ZNF438: variants seen among roughly 807,000 people sequenced by gnomAD.
The protein encoded by ZNF438 is zinc finger protein 438.
A neutral mutation model predicts 38.0 loss-of-function variants in ZNF438; 25 were observed. That is an observed-to-expected ratio of 0.66 (90% CI 0.48 to 0.92). The LOEUF is 0.92. Ranked by LOEUF, ZNF438 falls within the 40% of genes least tolerant of loss-of-function variation. The probability of loss-of-function intolerance (pLI) is 0.00; values close to 1 mark genes in which losing one functional copy is unlikely to be tolerated. For synonymous variants in ZNF438, 372 were observed against 364.1 expected, an observed-to-expected ratio of 1.02 and a Z score of -0.25; for missense variants, 1,007 against 999.6, an observed-to-expected ratio of 1.01 and a Z score of -0.10.
intron 1 of ZNF438, among the ~76,000 whole-genome samples, chr10:30,972,134 T>TG (rs2050811790): frequency 8.2e-6 from 1 of 122,270 alleles, no homozygotes; most frequent in East Asian, 2.4e-4. Context: ...CACGCCTGGC[T>TG]AATTTTTTGT....
intron 2 of ZNF438, among the ~76,000 whole-genome samples, chr10:30,914,822 TA>T (rs368583257): frequency 0.017 from 2,573 of 151,136 alleles, 73 homozygotes; most frequent in African/African-American, 0.058. Context: ...ATGAACACAA[TA>T]AAAAAAAATC....
At chr10:31,021,578 T>C (rs1373798709) in intron 1 of ZNF438, among the ~76,000 whole-genome samples, 1 of 127,664 alleles carries the variant, frequency 7.8e-6, no homozygotes, top group East Asian at 1.9e-4. Context: ...TTTCTCACTT[T>C]GTTTTTTTTC....
chr10:30,869,199 CCT>C (rs1441875761), intron 4 of ZNF438, among the ~76,000 whole-genome samples: 1 of 152,048 alleles, frequency 6.6e-6, no homozygotes, highest in Non-Finnish European at 1.5e-5. Flanking sequence ...ACGGTGAAAC[CCT>C]GTTTCTACTA....
chr10:30,863,792 GC>G (rs2035973661), intron 4 of ZNF438, among the ~76,000 whole-genome samples: 1 of 152,116 alleles, frequency 6.6e-6, no homozygotes. Flanking sequence ...TTGTAGGTTC[GC>G]CCCCTTGCTG....
At chr10:30,992,153 G>C (rs2053568668) in intron 1 of ZNF438, among the ~76,000 whole-genome samples, 1 of 152,188 alleles carries the variant, frequency 6.6e-6, no homozygotes, top group African/African-American at 2.4e-5. Flanking sequence ...GGACTTCCCA[G>C]CCTATACACT....
chr10:30,913,877 A>C (rs552930172), intron 2 of ZNF438, among the ~76,000 whole-genome samples: 1 of 152,286 alleles, frequency 6.6e-6, no homozygotes, highest in East Asian at 1.9e-4. Flanking sequence ...CACTGGAACT[A>C]TATGTTCGGT....
At chr10:30,979,829 C>T (rs3006580) in intron 1 of ZNF438, among the ~76,000 whole-genome samples, 19,323 of 152,198 alleles carry the variant, frequency 0.13, 1,616 homozygotes, top group Middle Eastern at 0.24. Flanking sequence ...TTGATTCTAG[C>T]TATGACTTTC....
intron 3 of ZNF438, among the ~76,000 whole-genome samples, chr10:30,899,547 A>G (rs1283258582): frequency 6.6e-6 from 1 of 152,208 alleles, no homozygotes; most frequent in Non-Finnish European, 1.5e-5. Context: ...AAGGTACATT[A>G]TCATTGAAAA....
At chr10:30,970,640 A>C (rs2050640773) in intron 1 of ZNF438, among the ~76,000 whole-genome samples, 1 of 152,086 alleles carries the variant, frequency 6.6e-6, no homozygotes, top group Non-Finnish European at 1.5e-5. Flanking sequence ...TTTTTCTCTC[A>C]ACCTACCCAA....
At chr10:30,855,241 C>G (rs1344118309) in intron 4 of ZNF438, among the ~76,000 whole-genome samples, 1 of 152,148 alleles carries the variant, frequency 6.6e-6, no homozygotes, top group Non-Finnish European at 1.5e-5. Context: ...GCGAGAGCAC[C>G]GATCAGTGTG....
chr10:30,850,768 A>G (rs949091447), intron 4 of ZNF438, among the ~76,000 whole-genome samples: 2 of 152,128 alleles, frequency 1.3e-5, no homozygotes, highest in Admixed American at 6.5e-5. Context: ...TATGTAGTTT[A>G]TTATTTTATA....
chr10:30,953,653 T>C (rs61843637), intron 1 of ZNF438, among the ~76,000 whole-genome samples: 12 of 95,098 alleles, frequency 1.3e-4, no homozygotes, highest in African/African-American at 7.4e-4. Context: ...AAAAAAAACA[T>C]ACACACACAC....
intron 1 of ZNF438, among the ~76,000 whole-genome samples, chr10:31,014,316 T>C (rs1287389562): frequency 6.6e-6 from 1 of 152,198 alleles, no homozygotes; most frequent in African/African-American, 2.4e-5. Flanking sequence ...GGCTGAGAAG[T>C]CCAAGATCAG....
chr10:30,936,255 T>C (rs1054698156), intron 2 of ZNF438, among the ~76,000 whole-genome samples: 2 of 152,200 alleles, frequency 1.3e-5, no homozygotes, highest in African/African-American at 4.8e-5. Context: ...TGGCACAAAG[T>C]GGGCACTTGA....
At chr10:31,004,828 T>C (rs2054974841) in intron 1 of ZNF438, among the ~76,000 whole-genome samples, 1 of 152,200 alleles carries the variant, frequency 6.6e-6, no homozygotes, top group Admixed American at 6.5e-5. Flanking sequence ...GAAGTCATGA[T>C]GAGTCATAAA....
chr10:30,855,828 TTATATGTGCAGAA>T (rs1219263178), intron 4 of ZNF438, among the ~76,000 whole-genome samples: 1 of 152,206 alleles, frequency 6.6e-6, no homozygotes. Flanking sequence ...AATATATCCT[TTATATGTGCAGAA>T]TATCTCTGAA....
At chr10:30,944,483 T>C (rs2047154977) in intron 1 of ZNF438, among the ~76,000 whole-genome samples, 1 of 152,140 alleles carries the variant, frequency 6.6e-6, no homozygotes. Flanking sequence ...AAATAGAAAG[T>C]AGTATGAAGA....
chr10:30,995,654 A>T (rs1051950643), intron 1 of ZNF438, among the ~76,000 whole-genome samples: 4 of 152,244 alleles, frequency 2.6e-5, no homozygotes, highest in Non-Finnish European at 5.9e-5. Context: ...ACTGATTTAA[A>T]GAATAATTCA....
chr10:30,949,070 G>C (rs1435994199), intron 1 of ZNF438, among the ~76,000 whole-genome samples: 10 of 152,154 alleles, frequency 6.6e-5, no homozygotes, highest in Non-Finnish European at 1.5e-4. Flanking sequence ...AACCCTACAA[G>C]CCAGAAGAGA....
Sources: gnomAD v4.1 joint callset for allele counts (sites outside exome capture counted in the v4.1 genomes callset) on GRCh38, gnomAD v4.1.1 for gene constraint, MANE v1.5 for transcripts, NCBI Gene and HGNC (gene_info 2026-07-23, HGNC 2026-07-21) for gene names.